Variants in NCOA2 observed in about 807,000 individuals in gnomAD.
The protein encoded by NCOA2 is nuclear receptor coactivator 2.
A neutral mutation model predicts 145.1 loss-of-function variants in NCOA2; 21 were observed. That is an observed-to-expected ratio of 0.14 (90% CI 0.10 to 0.21). NCOA2 has a LOEUF of 0.21. Among genes scored for constraint, NCOA2 ranks in the 10% least tolerant of loss-of-function variants. The pLI, the probability that NCOA2 is intolerant of heterozygous loss-of-function variation, is 1.00. For missense variants in NCOA2, 1,472 were observed against 1,837.6 expected (o/e 0.80, Z 3.64); for synonymous variants, 619 against 637.5 (o/e 0.97, Z 0.44).
Position 70,322,764 on chromosome 8 carries a change from G to C in NCOA2, c.-76-25964C>G, listed in dbSNP as rs187927027. On this transcript the variant is annotated intron_variant, in intron 1 of 22. Transcript: ENST00000452400. ...TGTAAAGTACCTAGGAAAGGGTCTG[G>C]CCCATAGTAAATGCTTGATAATGAC... Among the ~76,000 whole-genome samples the C allele has an allele frequency of 5.3e-5, 8 of 152,226 alleles. No homozygotes were observed. In the East Asian group the frequency reaches 1.3e-3, roughly 26 times the overall value.
chr8:70,380,024 G>A (rs1455993365), intron 1 of NCOA2, among the ~76,000 whole-genome samples: 1 of 152,090 alleles, frequency 6.6e-6, no homozygotes, highest in Non-Finnish European at 1.5e-5. Context: ...TTAGTTCTAA[G>A]TGCTCTGAAT....
In NCOA2 at chr8:70,403,705, C is replaced by T. The variant is rs1814609264; in HGVS notation, c.-82G>A. The T allele has an allele frequency of 5.1e-6, 2 of 394,848 alleles. No individual in the cohort carries two copies. Among genetic ancestry groups the T allele is most frequent in the East Asian group, 3.6e-5 (1 of 27,932 alleles). The allele number at this position is 394,848 out of a possible 1,614,324, so 24.5% of individuals were successfully genotyped here. On this transcript the variant is annotated 5_prime_UTR_variant, in exon 1 of 23. Transcript: ENST00000452400. ...CCGGGGGAAGGCGCGGTTACCGGCTCGGGTCGGTCACGCCGTCAGGTGCCG... is the reference window on the plus strand; with the variant it reads ...CCGGGGGAAGGCGCGGTTACCGGCTTGGGTCGGTCACGCCGTCAGGTGCCG...
At chr8:70,245,037 T>C (rs974578643) in intron 2 of NCOA2, 7 of 152,140 alleles carry the variant, frequency 4.6e-5, no homozygotes, top group Non-Finnish European at 8.8e-5. Context: ...CTGCAGTTCA[T>C]ATTAGAGCTC....
At chr8:70,400,389 T>C (rs968911004) in intron 1 of NCOA2, among the ~76,000 whole-genome samples, 5 of 151,522 alleles carry the variant, frequency 3.3e-5, no homozygotes, top group African/African-American at 1.2e-4. Context: ...CTTGAGAGGT[T>C]TTTTTCCCCC....
At chr8:70,187,419 G>A (rs1563588522) in intron 4 of NCOA2, among the ~76,000 whole-genome samples, 4 of 151,894 alleles carry the variant, frequency 2.6e-5, no homozygotes, top group African/African-American at 9.7e-5. Flanking sequence ...ATTTTATATC[G>A]GTTACGTGCT....
At chr8:70,442,116 G>GAAGAAAGAAAGAAAGAAAAGAAAGA in the NCOA2 span, among the ~76,000 whole-genome samples, 1 of 82,350 alleles carries the variant, frequency 1.2e-5, no homozygotes, top group Non-Finnish European at 2.9e-5. Context: ...GAGAAAGAAA[G>GAAGAAAGAAAGAAAGAAAAGAAAGA]AAGAAAGAAA....
At chr8:70,415,351 A>G in the NCOA2 span, among the ~76,000 whole-genome samples, 1 of 152,116 alleles carries the variant, frequency 6.6e-6, no homozygotes, top group Non-Finnish European at 1.5e-5. Context: ...AAAAAGTACT[A>G]GAGACCCAGT....
the NCOA2 span, among the ~76,000 whole-genome samples, chr8:70,413,758 C>A: frequency 2.0e-5 from 3 of 152,282 alleles, no homozygotes; most frequent in South Asian, 6.2e-4. Flanking sequence ...CAATGTTATA[C>A]TTTTATTAGT....
At chr8:70,235,547 T>G (rs1821516997) in intron 2 of NCOA2, among the ~76,000 whole-genome samples, 2 of 152,154 alleles carry the variant, frequency 1.3e-5, no homozygotes, top group Non-Finnish European at 2.9e-5. Context: ...GGTATGACCA[T>G]CAATACTTCT....
Position 70,318,221 on chromosome 8 carries a change from C to T in NCOA2, c.-76-21421G>A, listed in dbSNP as rs555133468. On this transcript the variant is annotated intron_variant, in intron 1 of 22. Transcript: ENST00000452400. ...GTGCCCCACCTGGAACTCAATAAGCCAGTGAAGAAACAGAAGCTAAACTGA... is the reference window on the plus strand; with the variant it reads ...GTGCCCCACCTGGAACTCAATAAGCTAGTGAAGAAACAGAAGCTAAACTGA... 5.3e-5 allele frequency among the ~76,000 whole-genome samples: 8 copies of T among 152,302 alleles called. No individual in the cohort carries two copies. The South Asian group carries it at 1.7e-3, about 32-fold the overall frequency.
At chr8:70,115,136 GTATTTATT>G (rs541399120) in intron 22 of NCOA2, among the ~76,000 whole-genome samples, 13 of 151,984 alleles carry the variant, frequency 8.6e-5, no homozygotes, top group East Asian at 1.9e-4. Context: ...CTACTGAGAA[GTATTTATT>G]TATTTATTTA....
At chr8:70,413,092 C>T in the NCOA2 span, among the ~76,000 whole-genome samples, 9 of 135,212 alleles carry the variant, frequency 6.7e-5, no homozygotes, top group African/African-American at 2.6e-4. Flanking sequence ...AGTGAGACTC[C>T]GTCTCAAAAA....
At chr8:70,211,453 C>CA (rs1301400749) in intron 4 of NCOA2, among the ~76,000 whole-genome samples, 188 of 119,926 alleles carry the variant, frequency 1.6e-3, no homozygotes, top group Admixed American at 2.7e-3. Context: ...AGCAAGACTC[C>CA]AAAAAAAAAA....
At chr8:70,423,840 T>G in the NCOA2 span, among the ~76,000 whole-genome samples, 61,516 of 151,904 alleles carry the variant, frequency 0.4, 13,157 homozygotes, top group South Asian at 0.57. Flanking sequence ...AGCACACTCT[T>G]GTCCCACAGC....
At chr8:70,405,503 G>A (rs1318316511), upstream of NCOA2, among the ~76,000 whole-genome samples, 1 of 109,924 alleles carries the variant, frequency 9.1e-6, no homozygotes, top group African/African-American at 3.5e-5. Context: ...TTCCCAAAGC[G>A]TTGAGAGGAA....
chr8:70,338,269 C>CCATT (rs1184389859), intron 1 of NCOA2, among the ~76,000 whole-genome samples: 1 of 152,140 alleles, frequency 6.6e-6, no homozygotes, highest in Non-Finnish European at 1.5e-5. Flanking sequence ...ATTATCACAA[C>CCATT]AGACCCCACA....
upstream of NCOA2, among the ~76,000 whole-genome samples, chr8:70,407,414 CAA>C (rs1476814787): frequency 6.6e-6 from 1 of 152,140 alleles, no homozygotes; most frequent in Non-Finnish European, 1.5e-5. Flanking sequence ...TAAATTAATG[CAA>C]AGTCATAGAA....
intron 1 of NCOA2, among the ~76,000 whole-genome samples, chr8:70,396,465 C>CAGGG (rs1813681600): frequency 6.6e-6 from 1 of 152,326 alleles, no homozygotes; most frequent in Admixed American, 6.5e-5. Flanking sequence ...CTAACAAGAA[C>CAGGG]AGGGTTCTAC....
chr8:70,137,333 G>A (rs181648835), intron 15 of NCOA2, among the ~76,000 whole-genome samples: 21 of 152,294 alleles, frequency 1.4e-4, no homozygotes, highest in African/African-American at 4.8e-4. Flanking sequence ...GTGAGCCACC[G>A]CGTCTAGCTC....
Sources: gnomAD v4.1 joint callset for allele counts (sites outside exome capture counted in the v4.1 genomes callset) on GRCh38, gnomAD v4.1.1 for gene constraint, MANE v1.5 for transcripts, NCBI Gene and HGNC (gene_info 2026-07-23, HGNC 2026-07-21) for gene names.